Variants in COL10A1 observed in about 807,000 individuals in gnomAD.
COL10A1 encodes collagen type X alpha 1 chain.
In COL10A1, 10 loss-of-function variants were observed where a neutral mutation model predicts 18.2. The observed-to-expected ratio is 0.55, with a 90% CI of 0.34 to 0.93. The LOEUF (loss-of-function observed/expected upper bound fraction) is 0.93, where lower values mean the gene tolerates loss of function less well. Among genes scored for constraint, COL10A1 ranks in the 40% least tolerant of loss-of-function variants. The pLI is 0.02. For missense variants in COL10A1, 897 were observed against 853.5 expected, an observed-to-expected ratio of 1.05 and a Z score of -0.64; for synonymous variants, 330 against 316.6, an observed-to-expected ratio of 1.04 and a Z score of -0.45.
the COL10A1 span, among the ~76,000 whole-genome samples, chr6:116,192,267 A>G: frequency 1.1e-4 from 16 of 152,020 alleles, no homozygotes; most frequent in Non-Finnish European, 1.8e-4. Context: ...TATATGTGTT[A>G]TGTTAAGCAC....
At chr6:116,209,133 G>A in the COL10A1 span, among the ~76,000 whole-genome samples, 3 of 151,790 alleles carry the variant, frequency 2.0e-5, no homozygotes, top group East Asian at 3.9e-4. Context: ...TTTTTATTAC[G>A]TTACTGTCCC....
the COL10A1 span, among the ~76,000 whole-genome samples, chr6:116,200,323 G>T: frequency 1.6e-4 from 24 of 151,948 alleles, no homozygotes; most frequent in Non-Finnish European, 3.1e-4. Context: ...ACGTAATATG[G>T]TATCCTGGAT....
At chr6:116,129,590 G>A (rs1032448433), upstream of COL10A1, among the ~76,000 whole-genome samples, 1 of 152,140 alleles carries the variant, frequency 6.6e-6, no homozygotes. Context: ...TCTGCCATGC[G>A]ATACTACAGC....
At chr6:116,140,615 GTAGT>G (rs1361446973) in intron 1 of COL10A1, among the ~76,000 whole-genome samples, 2 of 152,100 alleles carry the variant, frequency 1.3e-5, no homozygotes, top group African/African-American at 4.8e-5. Context: ...GTTTCCTCAT[GTAGT>G]TAATTATGCT....
chr6:116,214,482 AG>A, the COL10A1 span, among the ~76,000 whole-genome samples: 1 of 152,092 alleles, frequency 6.6e-6, no homozygotes, highest in Admixed American at 6.6e-5. Context: ...GCTTTCAAAA[AG>A]CTGTCTGGTT....
chr6:116,200,092 T>C, the COL10A1 span, among the ~76,000 whole-genome samples: 1 of 151,952 alleles, frequency 6.6e-6, no homozygotes, highest in Non-Finnish European at 1.5e-5. Flanking sequence ...CCCTTAATAG[T>C]ATATACCCTT....
At chr6:116,132,724 T>A (rs944321366) in intron 1 of COL10A1, among the ~76,000 whole-genome samples, 2 of 152,136 alleles carry the variant, frequency 1.3e-5, no homozygotes, top group African/African-American at 2.4e-5. Flanking sequence ...GGCTAATGTG[T>A]TCACCCCCTG....
At chr6:116,161,112 G>A (rs943716193), upstream of COL10A1, among the ~76,000 whole-genome samples, 3 of 149,426 alleles carry the variant, frequency 2.0e-5, no homozygotes, top group African/African-American at 7.4e-5. Context: ...AACACCGCAT[G>A]TTCTCACTCA....
intron 1 of COL10A1, among the ~76,000 whole-genome samples, chr6:116,138,324 A>C (rs569452557): frequency 1.3e-5 from 2 of 152,320 alleles, no homozygotes; most frequent in African/African-American, 4.8e-5. Flanking sequence ...TTTAGGATTT[A>C]TGAGAAACAG....
At chr6:116,146,362 T>C (rs1303413092) in intron 1 of COL10A1, among the ~76,000 whole-genome samples, 1 of 152,152 alleles carries the variant, frequency 6.6e-6, no homozygotes, top group Non-Finnish European at 1.5e-5. Context: ...GACTTTATCA[T>C]ACTCTGACCT....
rs1779114340 is a variant in COL10A1, at chr6:116,121,269, G to A, written c.847C>T (p.Leu283Phe). ...CCAGCTATTCCTGGAGCCCCAGGGA[G>A]ACCTTTTGTTCCTGGAATCCCTGGC... Reference protein sequence around the residue: ...GQPGIPGTKGLPGAPGIAGPP... With the variant: ...GQPGIPGTKGFPGAPGIAGPP... The change falls in exon 3 of 3, where the codon CTC becomes TTC. Residue 283 changes from leucine (L) to phenylalanine (F), a missense_variant. Coordinates refer to ENST00000651968, the MANE Select transcript of COL10A1 (RefSeq NM_000493.4). 1.2e-6 allele frequency: 2 copies of A among 1,613,932 alleles called. No homozygotes were observed. Among genetic ancestry groups the A allele is most frequent in the Non-Finnish European group, 1.7e-6 (2 of 1,179,946 alleles).
Position 116,119,950 on chromosome 6 carries a change from A to G in COL10A1, c.*123T>C. The G allele has an allele frequency of 1.0e-6, 1 of 958,880 alleles. No homozygotes were observed. Among genetic ancestry groups the G allele is most frequent in the African/African-American group, 1.6e-5 (1 of 62,022 alleles). The allele number at this position is 958,880 out of a possible 1,614,324, so 59.4% of individuals were successfully genotyped here. Reference sequence around the variant, plus strand: ...AAGGTTTGTTGGTCTGATAGCTCAAATCTGTATTTCAGAAAATAAAAATTA... The same window carrying G: ...AAGGTTTGTTGGTCTGATAGCTCAAGTCTGTATTTCAGAAAATAAAAATTA... On this transcript the variant is annotated 3_prime_UTR_variant, in exon 3 of 3. Transcript: ENST00000651968.
At chr6:116,192,438 A>G in the COL10A1 span, among the ~76,000 whole-genome samples, 2 of 152,060 alleles carry the variant, frequency 1.3e-5, no homozygotes, top group Admixed American at 1.3e-4. Flanking sequence ...TTAAAAAGAG[A>G]AAATTAGTAC....
chr6:116,179,202 A>G, the COL10A1 span, among the ~76,000 whole-genome samples: 1 of 152,194 alleles, frequency 6.6e-6, no homozygotes, highest in Non-Finnish European at 1.5e-5. Context: ...TAAATAACAT[A>G]TAGTAGATAT....
the COL10A1 span, among the ~76,000 whole-genome samples, chr6:116,185,828 T>G: frequency 6.6e-6 from 1 of 152,134 alleles, no homozygotes; most frequent in African/African-American, 2.4e-5. Flanking sequence ...TCTGTCATTC[T>G]GTATCTTTTA....
At chr6:116,190,382 T>C in the COL10A1 span, among the ~76,000 whole-genome samples, 5 of 151,972 alleles carry the variant, frequency 3.3e-5, no homozygotes, top group Non-Finnish European at 7.4e-5. Context: ...GCAAAATAAG[T>C]TGTTTTGTTA....
At chr6:116,154,269 C>T (rs1780125083) in intron 1 of COL10A1, among the ~76,000 whole-genome samples, 1 of 152,000 alleles carries the variant, frequency 6.6e-6, no homozygotes, top group South Asian at 2.1e-4. Flanking sequence ...TTTAACAAAA[C>T]ATCAACATAG....
chr6:116,158,185 T>C (rs1780245453), intron 1 of COL10A1, among the ~76,000 whole-genome samples: 1 of 152,186 alleles, frequency 6.6e-6, no homozygotes, highest in Non-Finnish European at 1.5e-5. Flanking sequence ...CAATACTGGT[T>C]ATCTGTCATT....
At chr6:116,188,317 G>T in the COL10A1 span, among the ~76,000 whole-genome samples, 3 of 152,140 alleles carry the variant, frequency 2.0e-5, no homozygotes, top group Non-Finnish European at 4.4e-5. Flanking sequence ...CATTCCCTAT[G>T]ACACAGCCAT....
Sources: allele counts gnomAD v4.1 joint callset (sites outside exome capture counted in the v4.1 genomes callset), GRCh38; gene constraint gnomAD v4.1.1; transcripts MANE v1.5; gene names NCBI Gene and HGNC (gene_info 2026-07-23, HGNC 2026-07-21).